The following RBPMS2 variants were observed in gnomAD, a reference collection of about 807,000 sequenced individuals.
RBPMS2 encodes the protein RNA binding protein, mRNA processing factor 2.
A neutral mutation model predicts 25.7 loss-of-function variants in RBPMS2; 14 were observed. That is an observed-to-expected ratio of 0.55 (90% CI 0.36 to 0.85). The LOEUF (loss-of-function observed/expected upper bound fraction) is 0.85, where lower values mean the gene tolerates loss of function less well. Ranked by LOEUF, RBPMS2 falls within the 40% of genes least tolerant of loss-of-function variation. The pLI is 0.01. For synonymous variants in RBPMS2, 127 were observed against 115.6 expected, an observed-to-expected ratio of 1.10 and a Z score of -0.63; for missense variants, 252 against 283.4, an observed-to-expected ratio of 0.89 and a Z score of 0.80.
intron 2 of RBPMS2, 98 bp downstream of exon 2, chr15:64,751,463 C>G (rs2083679248): frequency 1.7e-5 from 17 of 1,001,104 alleles, no homozygotes; most frequent in Non-Finnish European, 2.5e-5. Context: ...GCCACGCCTT[C>G]CCGCATCATC....
At chr15:64,741,299 C>A in intron 6 of RBPMS2, 57 bp from the exon 7 acceptor site, 1 of 1,402,530 alleles carries the variant, frequency 7.1e-7, no homozygotes, top group South Asian at 1.2e-5. Context: ...CAACAGGAAG[C>A]CAGGTAACCA....
intron 6 of RBPMS2, among the ~76,000 whole-genome samples, chr15:64,744,066 CCACTG>C (rs1437286262): frequency 1.3e-5 from 2 of 151,614 alleles, no homozygotes; most frequent in African/African-American, 4.9e-5. Context: ...AAAGGTCATG[CCACTG>C]CACTCTAGCC....
chr15:64,750,071 CTAGAGCTCAGCTAACTGCTT>C (rs1343030418), intron 3 of RBPMS2, among the ~76,000 whole-genome samples: 1 of 150,848 alleles, frequency 6.6e-6, no homozygotes, highest in Non-Finnish European at 1.5e-5. Flanking sequence ...AAAAAAAAAG[CTAGAGCTCAGCTAACTGCTT>C]TACTGTCCTC....
intron 1 of RBPMS2, among the ~76,000 whole-genome samples, chr15:64,762,142 G>C (rs1268485359): frequency 6.6e-6 from 1 of 152,144 alleles, no homozygotes; most frequent in Non-Finnish European, 1.5e-5. Context: ...TTCAGCTCAT[G>C]AACAAAGAGG....
At chr15:64,765,982 A>G (rs930458965) in intron 1 of RBPMS2, among the ~76,000 whole-genome samples, 2 of 64,898 alleles carry the variant, frequency 3.1e-5, no homozygotes, top group African/African-American at 7.3e-5. Flanking sequence ...ACAGAGCGAG[A>G]CTGTCTCAAA....
Position 64,741,238 on chromosome 15 carries a change from C to T in RBPMS2, c.572G>A (p.Arg191His), listed in dbSNP as rs948760638. The T allele has an allele frequency of 9.4e-6, 15 of 1,589,634 alleles. No individual in the cohort carries two copies. Among genetic ancestry groups the T allele is most frequent in the East Asian group, 2.3e-5 (1 of 43,822 alleles). ...GGTGGTGTCAGAGGAAGGGTACCAGCGCACCTGCAAGAGAAGCCAACGTCA... is the reference window on the plus strand; with the variant it reads ...GGTGGTGTCAGAGGAAGGGTACCAGTGCACCTGCAAGAGAAGCCAACGTCA... ...AAAAALHAQV[R>H]WYPSSDTTQQ... is the part of the protein sequence containing the mutation. The change falls in exon 7 of 8, where the codon CGC becomes CAC. Residue 191 changes from arginine to histidine, a missense_variant. Coordinates refer to ENST00000300069, the MANE Select transcript of RBPMS2 (RefSeq NM_194272.3).
chr15:64,753,616 G>A (rs1167008443), intron 1 of RBPMS2, among the ~76,000 whole-genome samples: 3 of 152,144 alleles, frequency 2.0e-5, no homozygotes, highest in Non-Finnish European at 2.9e-5. Flanking sequence ...CAGCCATGGT[G>A]AAGACAAACC....
chr15:64,745,807 G>A (rs1475860088), intron 6 of RBPMS2, among the ~76,000 whole-genome samples: 1 of 152,206 alleles, frequency 6.6e-6, no homozygotes, highest in Non-Finnish European at 1.5e-5. Flanking sequence ...TCTGGTCTCT[G>A]CAGCCACGTA....
rs1331748424 is a variant in RBPMS2 at position 64,748,484 on chromosome 15, C to T, written c.502G>A (p.Ala168Thr). 3.1e-6 allele frequency: 5 copies of T among 1,613,864 alleles called. No homozygotes were observed. The highest frequency in any genetic ancestry group is 4.2e-6 in the Non-Finnish European group (5 of 1,179,944). The change falls in exon 6 of 8, where the codon GCC becomes ACC. Residue 168 changes from alanine (A) to threonine (T), a missense_variant. Coordinates refer to ENST00000300069, the MANE Select transcript of RBPMS2 (RefSeq NM_194272.3). The part of the protein sequence containing the change: ...YPLYTTELTP[A>T]ISHAAFTYPT... Reference sequence around the variant, plus strand: ...TAGGTGAACGCAGCATGGGAGATGGCTGGGGTCAGCTCTGTGGTGTACAAA... The same window carrying T: ...TAGGTGAACGCAGCATGGGAGATGGTTGGGGTCAGCTCTGTGGTGTACAAA...
chr15:64,759,468 GAAGT>G (rs143526639), intron 1 of RBPMS2, among the ~76,000 whole-genome samples: 7,333 of 152,200 alleles, frequency 0.048, 245 homozygotes, highest in African/African-American at 0.093. Flanking sequence ...TTAGAGAAGA[GAAGT>G]AAGAAGAAGG....
In RBPMS2 at chr15:64,775,469, C is replaced by T. The variant is rs1206099163; in HGVS notation, c.-150G>A. On this transcript the variant is annotated 5_prime_UTR_variant, in exon 1 of 8. Transcript: ENST00000300069. ...GGGGCAGTGAGAGGGGCAGCCTCCG[C>T]GTCGGGCCAGGGTCACATCAAGTTT... 2 of 155,354 alleles carry T rather than the reference C, an allele frequency of 1.3e-5. No homozygotes were observed. The highest frequency in any genetic ancestry group is 2.5e-5 in the Non-Finnish European group (2 of 78,622). The allele number at this position is 155,354 out of a possible 1,614,324, so 9.6% of individuals were successfully genotyped here.
At chr15:64,763,096 G>T (rs1054809112) in intron 1 of RBPMS2, among the ~76,000 whole-genome samples, 1 of 152,132 alleles carries the variant, frequency 6.6e-6, no homozygotes, top group Admixed American at 6.5e-5. Flanking sequence ...ATTGGGTCCT[G>T]CCTGGGCCCC....
At chr15:64,763,628 C>T (rs2083813412) in intron 1 of RBPMS2, among the ~76,000 whole-genome samples, 1 of 152,186 alleles carries the variant, frequency 6.6e-6, no homozygotes, top group Non-Finnish European at 1.5e-5. Context: ...GCTCATAGTC[C>T]TTTGAGCAAC....
At chr15:64,775,179 C>T in intron 1 of RBPMS2, 54 bp downstream of exon 1, 1 of 1,094,566 alleles carries the variant, frequency 9.1e-7, no homozygotes, top group Non-Finnish European at 1.1e-6. Context: ...TCGCCCTCTC[C>T]CGCGCCCGCC....
intron 1 of RBPMS2, chr15:64,762,486 C>T (rs1199388510): frequency 1.9e-6 from 1 of 534,800 alleles, no homozygotes; most frequent in South Asian, 1.4e-5. Flanking sequence ...GAATTTGCTG[C>T]CATCATCATC....
chr15:64,766,788 C>T (rs1319968326), intron 1 of RBPMS2, among the ~76,000 whole-genome samples: 5 of 152,018 alleles, frequency 3.3e-5, no homozygotes, highest in Admixed American at 1.3e-4. Context: ...CTCAGCCTCC[C>T]AAAGTGCTGG....
At chr15:64,766,737 G>A (rs537741889) in intron 1 of RBPMS2, among the ~76,000 whole-genome samples, 2 of 151,984 alleles carry the variant, frequency 1.3e-5, no homozygotes, top group African/African-American at 4.8e-5. Flanking sequence ...CACCGTGTTA[G>A]CCAGGATGGT....
intron 1 of RBPMS2, among the ~76,000 whole-genome samples, chr15:64,767,559 T>C (rs1320362190): frequency 6.6e-6 from 1 of 152,212 alleles, no homozygotes; most frequent in African/African-American, 2.4e-5. Context: ...GTTCAGAGCA[T>C]GAGAGCCAAG....
intron 1 of RBPMS2, among the ~76,000 whole-genome samples, chr15:64,754,082 G>T (rs562801914): frequency 6.6e-6 from 1 of 152,134 alleles, no homozygotes; most frequent in African/African-American, 2.4e-5. Flanking sequence ...AGGCTGAGGC[G>T]GGTGGATCAC....
Sources: gnomAD v4.1 joint callset for allele counts (sites outside exome capture counted in the v4.1 genomes callset) on GRCh38, gnomAD v4.1.1 for gene constraint, MANE v1.5 for transcripts, NCBI Gene and HGNC (gene_info 2026-07-23, HGNC 2026-07-21) for gene names.